Variants in PELI2 observed in about 807,000 individuals in gnomAD.
PELI2 encodes the protein pellino E3 ubiquitin protein ligase family member 2, also known as E3 ubiquitin-protein ligase pellino homolog 2.
PELI2 carries 23 observed loss-of-function variants against 42.3 expected under a neutral mutation model. The observed-to-expected ratio is 0.54, with a 90% CI of 0.39 to 0.77. PELI2 has a LOEUF of 0.77. Ranked by LOEUF, PELI2 falls within the 30% of genes least tolerant of loss-of-function variation. The pLI is 0.00. For synonymous variants in PELI2, 245 were observed against 212.2 expected (o/e 1.15, Z -1.34); for missense variants, 463 against 553.2 (o/e 0.84, Z 1.64).
intron 1 of PELI2, among the ~76,000 whole-genome samples, chr14:56,142,880 T>C (rs1225633042): frequency 1.3e-5 from 2 of 152,218 alleles, no homozygotes; most frequent in East Asian, 1.9e-4. Context: ...TTTGATCTTA[T>C]GTAAAAATTG....
At chr14:56,127,302 T>TA (rs977258255) in intron 1 of PELI2, among the ~76,000 whole-genome samples, 40 of 152,218 alleles carry the variant, frequency 2.6e-4, no homozygotes, top group Admixed American at 9.8e-4. Context: ...TGACATGAAA[T>TA]AACAGAACTA....
In PELI2 at chr14:56,131,005, T is replaced by C. The variant is rs554700427; in HGVS notation, c.77+12268T>C. Among the ~76,000 whole-genome samples the C allele has an allele frequency of 2.6e-5, 4 of 152,226 alleles. No homozygotes were observed. In the South Asian group the frequency reaches 8.3e-4, roughly 31 times the overall value. Reference sequence around the variant, plus strand: ...AAGTACTTTTCCTCTCTAATAAAGGTCTATCTTTGCCTGGGACTAACGTCG... The same window carrying C: ...AAGTACTTTTCCTCTCTAATAAAGGCCTATCTTTGCCTGGGACTAACGTCG... On this transcript the variant is annotated intron_variant, in intron 1 of 5. Transcript: ENST00000267460.
chr14:56,267,116 A>G (rs1002272206), intron 2 of PELI2, among the ~76,000 whole-genome samples: 3 of 152,112 alleles, frequency 2.0e-5, no homozygotes, highest in Non-Finnish European at 2.9e-5. Flanking sequence ...CACTGGTAAC[A>G]TTTAGTAACT....
chr14:56,237,904 AC>A (rs1223272870), intron 2 of PELI2, among the ~76,000 whole-genome samples: 1 of 150,748 alleles, frequency 6.6e-6, no homozygotes, highest in African/African-American at 2.4e-5. Context: ...CCTACCCCCA[AC>A]CCTGAGCTTT....
At chr14:56,281,142 T>A (rs1275980537) in intron 3 of PELI2, among the ~76,000 whole-genome samples, 1 of 152,150 alleles carries the variant, frequency 6.6e-6, no homozygotes, top group Non-Finnish European at 1.5e-5. Flanking sequence ...TCAGACCAAT[T>A]GACCCAGTAA....
Position 56,121,283 on chromosome 14 carries a change from T to C in PELI2, c.77+2546T>C, listed in dbSNP as rs375947641. On this transcript the variant is annotated intron_variant, in intron 1 of 5. Coordinates refer to ENST00000267460, the MANE Select transcript of PELI2 (RefSeq NM_021255.3). The stretch of plus-strand genomic sequence containing the variant: ...TATGTGACTGTCCTTTTTGCTCACT[T>C]TCGAATGTCATAGTGAAACATTACT... 2.3e-4 allele frequency among the ~76,000 whole-genome samples: 35 copies of C among 152,218 alleles called. 4 individuals carry two copies. The highest frequency in any genetic ancestry group is 9.2e-4 in the Admixed American group (14 of 15,286).
chr14:56,167,460 T>C (rs901831253), intron 1 of PELI2, among the ~76,000 whole-genome samples: 1 of 152,222 alleles, frequency 6.6e-6, no homozygotes, highest in African/African-American at 2.4e-5. Flanking sequence ...TAAAGGACTC[T>C]GATGCATTCT....
intron 3 of PELI2, among the ~76,000 whole-genome samples, chr14:56,287,502 A>ATT (rs1395773465): frequency 6.6e-6 from 1 of 152,170 alleles, no homozygotes; most frequent in African/African-American, 2.4e-5. Context: ...TCTAATTTAG[A>ATT]TTTTACATTG....
chr14:56,154,239 G>T (rs1884468697), intron 1 of PELI2, among the ~76,000 whole-genome samples: 1 of 152,106 alleles, frequency 6.6e-6, no homozygotes, highest in Admixed American at 6.5e-5. Flanking sequence ...TTGGTATTAA[G>T]AATTTGTAGT....
intron 2 of PELI2, among the ~76,000 whole-genome samples, chr14:56,213,940 C>T (rs1476709645): frequency 6.6e-6 from 1 of 151,756 alleles, no homozygotes; most frequent in East Asian, 1.9e-4. Flanking sequence ...CAACCTCCGC[C>T]TCCCAGGTTC....
rs758292383 is a variant in PELI2, at chr14:56,288,429, T to G, written c.310-8T>G. The G allele has an allele frequency of 5.0e-6, 8 of 1,610,578 alleles. No homozygotes were observed. In the African/African-American group the frequency reaches 1.1e-4, roughly 22 times the overall value. On this transcript the variant is annotated splice_polypyrimidine_tract_variant and splice_region_variant and intron_variant, in intron 3 of 5. Transcript: ENST00000267460. This position sits in a 1 kb window ranked among gnomAD's most constrained non-coding sequence, Gnocchi z 4.6. ...CAAGTGAATCACGAGTACATTTGATTTACTTAGGTGGGCAGATCAACAGAA... is the reference window on the plus strand; with the variant it reads ...CAAGTGAATCACGAGTACATTTGATGTACTTAGGTGGGCAGATCAACAGAA...
At chr14:56,286,138 G>A (rs189246027) in intron 3 of PELI2, among the ~76,000 whole-genome samples, 54 of 152,308 alleles carry the variant, frequency 3.5e-4, no homozygotes, top group African/African-American at 1.3e-3. Flanking sequence ...GCTCCAGAAC[G>A]TGTGTGAAAG....
At chr14:56,267,273 G>A (rs1346830625) in intron 2 of PELI2, among the ~76,000 whole-genome samples, 1 of 152,130 alleles carries the variant, frequency 6.6e-6, no homozygotes, top group African/African-American at 2.4e-5. Context: ...GTTGTGTACT[G>A]TCCTTTGGGT....
At chr14:56,146,493 T>C (rs890971400) in intron 1 of PELI2, among the ~76,000 whole-genome samples, 1 of 152,168 alleles carries the variant, frequency 6.6e-6, no homozygotes, top group African/African-American at 2.4e-5. Context: ...TGGAAGTTCG[T>C]ATAAGATACA....
At chr14:56,133,582 T>C (rs928221161) in intron 1 of PELI2, among the ~76,000 whole-genome samples, 2 of 152,188 alleles carry the variant, frequency 1.3e-5, no homozygotes, top group Non-Finnish European at 2.9e-5. Context: ...TTGGGGCCTT[T>C]CCCCCACCCC....
chr14:56,121,344 A>G (rs1250141679), intron 1 of PELI2, among the ~76,000 whole-genome samples: 1 of 152,146 alleles, frequency 6.6e-6, no homozygotes, highest in Non-Finnish European at 1.5e-5. Flanking sequence ...GAGCTGATAG[A>G]TGTCTATATC....
chr14:56,143,653 T>G (rs1356257631), intron 1 of PELI2, among the ~76,000 whole-genome samples: 1 of 152,278 alleles, frequency 6.6e-6, no homozygotes, highest in East Asian at 1.9e-4. Context: ...TTTGGGATAT[T>G]TATTTTGTCC....
chr14:56,259,155 C>T (rs1399624468), intron 2 of PELI2, among the ~76,000 whole-genome samples: 2 of 152,022 alleles, frequency 1.3e-5, no homozygotes, highest in Non-Finnish European at 2.9e-5. Context: ...GAAGTAAAGA[C>T]TTTATTTCAG....
intron 1 of PELI2, among the ~76,000 whole-genome samples, chr14:56,155,573 A>C (rs1044988706): frequency 2.1e-5 from 3 of 144,882 alleles, no homozygotes. Context: ...TTTTGTTCTC[A>C]AGTAATACAT....
Sources: gnomAD v4.1 joint callset for allele counts (sites outside exome capture counted in the v4.1 genomes callset) on GRCh38, gnomAD v4.1.1 for gene constraint, Gnocchi (gnomAD v3.1) non-coding constraint, MANE v1.5 for transcripts, NCBI Gene and HGNC (gene_info 2026-07-23, HGNC 2026-07-21) for gene names.